ATAD2: variants seen among roughly 807,000 people sequenced by gnomAD.
The protein encoded by ATAD2 is ATPase family AAA domain containing 2.
In ATAD2, 62 loss-of-function variants were observed where a neutral mutation model predicts 168.9. The ratio of observed to expected loss-of-function variants is 0.37; its 90% CI spans 0.30 to 0.45. ATAD2 has a LOEUF of 0.45. Ranked by LOEUF, ATAD2 falls within the 20% of genes least tolerant of loss-of-function variation. The pLI is 1.00. For synonymous variants in ATAD2, 613 were observed against 571.6 expected, an observed-to-expected ratio of 1.07 and a Z score of -1.03; for missense variants, 1,419 against 1,667.8, an observed-to-expected ratio of 0.85 and a Z score of 2.60.
At chr8:123,404,463 C>G (rs901662562) in intron 1 of ATAD2, among the ~76,000 whole-genome samples, 1 of 152,076 alleles carries the variant, frequency 6.6e-6, no homozygotes, top group African/African-American at 2.4e-5. Flanking sequence ...TTCGGAGTTT[C>G]TTGGCTTGTA....
intron 18 of ATAD2, 55 bp from the exon 19 acceptor site, chr8:123,345,124 A>G (rs966333709): frequency 6.8e-7 from 1 of 1,471,932 alleles, no homozygotes; most frequent in Non-Finnish European, 9.2e-7. Context: ...TAATAATGCT[A>G]GTTCTATTAG....
chr8:123,352,949 C>T (rs1828518943), intron 13 of ATAD2, among the ~76,000 whole-genome samples: 1 of 152,020 alleles, frequency 6.6e-6, no homozygotes, highest in Admixed American at 6.6e-5. Flanking sequence ...GTAGTGTGTG[C>T]CTGTAGTTCT....
chr8:123,333,001 C>T (rs1419039648), intron 24 of ATAD2, among the ~76,000 whole-genome samples: 4 of 151,818 alleles, frequency 2.6e-5, no homozygotes, highest in African/African-American at 9.7e-5. Context: ...AAATCAATTA[C>T]CCGAGGATGG....
intron 13 of ATAD2, among the ~76,000 whole-genome samples, chr8:123,354,193 T>C (rs1181517872): frequency 6.6e-6 from 1 of 152,190 alleles, no homozygotes; most frequent in Non-Finnish European, 1.5e-5. Context: ...TTCTTTCTCT[T>C]AGGTTGAAAA....
intron 1 of ATAD2, among the ~76,000 whole-genome samples, chr8:123,407,107 A>G (rs1813078389): frequency 6.6e-6 from 1 of 152,214 alleles, no homozygotes; most frequent in African/African-American, 2.4e-5. Flanking sequence ...TGATGTGTTT[A>G]TAAGCCAAGA....
At chr8:123,342,610 G>A (rs1447376788) in intron 19 of ATAD2, 1 of 152,180 alleles carries the variant, frequency 6.6e-6, no homozygotes, top group African/African-American at 2.4e-5. Flanking sequence ...AGGCGACAGT[G>A]TAGGGTATGA....
chr8:123,395,086 C>T (rs1006120955), intron 1 of ATAD2, among the ~76,000 whole-genome samples: 3 of 152,144 alleles, frequency 2.0e-5, no homozygotes, highest in African/African-American at 7.2e-5. Context: ...ATTGTCACTT[C>T]CACCACACAT....
intron 9 of ATAD2, 142 bp downstream of exon 9, chr8:123,361,397 G>A: frequency 1.9e-6 from 1 of 517,292 alleles, no homozygotes; most frequent in Non-Finnish European, 3.6e-6. Context: ...ATTCTAACAA[G>A]ACAGCATTCT....
Position 123,372,652 on chromosome 8 carries a change from C to CTT in ATAD2, c.353_354dup (p.Glu119LysfsTer9). On this transcript the variant is annotated frameshift_variant, in exon 3 of 28. Transcript: ENST00000287394. LOFTEE classifies it high-confidence loss of function. ...CAGTACTTACCTTCTCTGTGCTCTT[C>CTT]TTTTTTTTTATCAGCCTGCTGTCTG... The CTT allele has an allele frequency of 6.4e-7, 1 of 1,565,832 alleles. No individual in the cohort carries two copies. Among genetic ancestry groups the CTT allele is most frequent in the Admixed American group, 1.8e-5 (1 of 55,928 alleles).
rs1248347608 is a variant in ATAD2, at chr8:123,337,876, A to G, written c.2855-55T>C. The G allele has an allele frequency of 1.5e-5, 22 of 1,472,230 alleles. No individual in the cohort carries two copies. In the East Asian group the frequency reaches 5.2e-4, roughly 35 times the overall value. 91.2% of individuals were successfully genotyped at this position (1,472,230 alleles called of 1,614,324 possible). On this transcript the variant is annotated intron_variant, in intron 20 of 27. Coordinates refer to ENST00000287394, the MANE Select transcript of ATAD2 (RefSeq NM_014109.4). The stretch of plus-strand genomic sequence containing the variant: ...GCTCCTCCATAACATTGAGGTTGAC[A>G]AATGATTTAATGAAAACAGAGTCAG...
chr8:123,369,041 C>A lies in ATAD2; in HGVS notation c.1049+17G>T. The A allele has an allele frequency of 7.0e-7, 1 of 1,435,706 alleles. No individual in the cohort carries two copies. Among genetic ancestry groups the A allele is most frequent in the African/African-American group, 1.4e-5 (1 of 71,168 alleles). 88.9% of individuals were successfully genotyped at this position (1,435,706 alleles called of 1,614,324 possible). Reference sequence around the variant, plus strand: ...CAATTATGTTGTCATAAATCAATCACTATATCAGAACCAAACCTGTTCATT... The same window carrying A: ...CAATTATGTTGTCATAAATCAATCAATATATCAGAACCAAACCTGTTCATT... On this transcript the variant is annotated intron_variant, in intron 8 of 27. Coordinates refer to ENST00000287394, the MANE Select transcript of ATAD2 (RefSeq NM_014109.4).
intron 1 of ATAD2, chr8:123,401,473 G>A (rs1482819371): frequency 1.9e-5 from 29 of 1,556,712 alleles, no homozygotes; most frequent in South Asian, 1.1e-4. Context: ...CAGGTGATTG[G>A]GGGGAACGTG....
intron 9 of ATAD2, among the ~76,000 whole-genome samples, chr8:123,360,164 C>T (rs1828770488): frequency 6.6e-6 from 1 of 152,116 alleles, no homozygotes; most frequent in Non-Finnish European, 1.5e-5. Flanking sequence ...CTGATTTGTC[C>T]AAGATCACCC....
At chr8:123,330,968 G>T (rs1331266840) in intron 24 of ATAD2, among the ~76,000 whole-genome samples, 1 of 152,120 alleles carries the variant, frequency 6.6e-6, no homozygotes, top group African/African-American at 2.4e-5. Context: ...TACTGCCCAG[G>T]CTGGAAGGCA....
chr8:123,337,264 G>A (rs1248428520), intron 21 of ATAD2, among the ~76,000 whole-genome samples: 4 of 151,942 alleles, frequency 2.6e-5, no homozygotes, highest in Non-Finnish European at 5.9e-5. Context: ...TTGGGAGGCT[G>A]AGGCAGGAGA....
intron 24 of ATAD2, among the ~76,000 whole-genome samples, chr8:123,329,348 G>C (rs536384205): frequency 2.6e-5 from 4 of 152,156 alleles, no homozygotes; most frequent in Admixed American, 6.5e-5. Flanking sequence ...CCAAACTCCT[G>C]GGCTCAAGCG....
Position 123,370,915 on chromosome 8 carries a change from C to G in ATAD2, c.715G>C (p.Glu239Gln). 6.2e-7 allele frequency: 1 copy of G among 1,605,590 alleles called. No homozygotes were observed. The highest frequency in any genetic ancestry group is 8.5e-7 in the Non-Finnish European group (1 of 1,175,498). The part of the protein sequence containing the change: ...RTDEETTDNQ[E>Q]GSVESSEEGE... Reference sequence around the variant, plus strand: ...AGAAGAGACTAACCCACACTGCCTTCTTGATTATCAGTTGTTTCTTCATCA... The same window carrying G: ...AGAAGAGACTAACCCACACTGCCTTGTTGATTATCAGTTGTTTCTTCATCA... Residue 239 changes from glutamate to glutamine, a missense_variant, in exon 6 of 28, where the codon GAA (glutamate) becomes CAA (glutamine). Around this residue, in one of 5 missense-constraint regions of ATAD2, gnomAD observed 419 missense variants for 423.5 expected, o/e 0.99. Coordinates refer to ENST00000287394, the MANE Select transcript of ATAD2 (RefSeq NM_014109.4).
At chr8:123,340,827 A>G (rs1375692560) in intron 19 of ATAD2, among the ~76,000 whole-genome samples, 1 of 152,166 alleles carries the variant, frequency 6.6e-6, no homozygotes. Flanking sequence ...ATAGGTACAG[A>G]GTTTCTGCTT....
chr8:123,346,020 T>C (rs1828228504), intron 18 of ATAD2, 66 bp downstream of exon 18: 1 of 1,260,540 alleles, frequency 7.9e-7, no homozygotes. Flanking sequence ...TACAAAAAAA[T>C]GGGGCAATTT....
Sources: allele counts gnomAD v4.1 joint callset (sites outside exome capture counted in the v4.1 genomes callset), GRCh38; gene constraint gnomAD v4.1.1; regional missense constraint gnomAD v4.1.1; transcripts MANE v1.5; gene names NCBI Gene and HGNC (gene_info 2026-07-23, HGNC 2026-07-21).